SETD3: variants seen among roughly 807,000 people sequenced by gnomAD.
The protein encoded by SETD3 is SET domain containing 3, actin N3(tau)-histidine methyltransferase.
In SETD3, 19 loss-of-function variants were observed where a neutral mutation model predicts 63.0. The ratio of observed to expected loss-of-function variants is 0.30; its 90% CI spans 0.21 to 0.44. SETD3 has a LOEUF of 0.44. SETD3 is among the 20% of genes least tolerant of loss of function. SETD3 has a pLI of 1.00. For synonymous variants in SETD3, 286 were observed against 264.1 expected, an observed-to-expected ratio of 1.08 and a Z score of -0.80; for missense variants, 587 against 728.5, an observed-to-expected ratio of 0.81 and a Z score of 2.24.
At chr14:99,419,790 A>C (rs963343026) in intron 6 of SETD3, among the ~76,000 whole-genome samples, 1 of 151,676 alleles carries the variant, frequency 6.6e-6, no homozygotes, top group Non-Finnish European at 1.5e-5. Context: ...AAAAAACAAA[A>C]AAAAAAACCT....
intron 1 of SETD3, among the ~76,000 whole-genome samples, chr14:99,477,907 G>C (rs1404321042): frequency 1.3e-5 from 2 of 151,900 alleles, no homozygotes; most frequent in Admixed American, 1.3e-4. Flanking sequence ...TTTATGAATA[G>C]AAAAATGAGA....
At chr14:99,459,878 C>T (rs1025601776) in intron 4 of SETD3, among the ~76,000 whole-genome samples, 10 of 152,184 alleles carry the variant, frequency 6.6e-5, no homozygotes, top group African/African-American at 2.4e-4. Flanking sequence ...CTAAACAGAC[C>T]ATGCCAGCAC....
chr14:99,438,906 C>T (rs1893636374), intron 6 of SETD3, among the ~76,000 whole-genome samples: 1 of 152,186 alleles, frequency 6.6e-6, no homozygotes, highest in Non-Finnish European at 1.5e-5. Flanking sequence ...TAGGAAGGTG[C>T]TCACATCCAG....
chr14:99,473,676 G>A (rs1895822050), intron 1 of SETD3, among the ~76,000 whole-genome samples: 1 of 152,016 alleles, frequency 6.6e-6, no homozygotes, highest in African/African-American at 2.4e-5. Flanking sequence ...AGAGTGTGAG[G>A]GCCTAATCTT....
At chr14:99,423,508 C>T (rs1213961246) in intron 6 of SETD3, among the ~76,000 whole-genome samples, 1 of 136,846 alleles carries the variant, frequency 7.3e-6, no homozygotes, top group African/African-American at 2.7e-5. Context: ...ATATTATCTT[C>T]AGTTGATTTT....
chr14:99,440,504 T>C (rs1458033304), intron 6 of SETD3, among the ~76,000 whole-genome samples: 4 of 152,120 alleles, frequency 2.6e-5, no homozygotes, highest in South Asian at 4.1e-4. Context: ...CTCCGGTGTC[T>C]ACATCATGCG....
rs1555359636 is a variant in SETD3, at chr14:99,435,230, T to TTAAC, written c.676-21297_676-21296insGTTA. On this transcript the variant is annotated intron_variant, in intron 6 of 12. Coordinates refer to ENST00000331768, the MANE Select transcript of SETD3 (RefSeq NM_032233.3). ...AATGCTCAATGTTTGGAAGCTGTCA[T>TTAAC]TGTCTTTAAAGTATAGCTATATTTT... Among the ~76,000 whole-genome samples the TTAAC allele has an allele frequency of 5.9e-5, 9 of 151,722 alleles. No homozygotes were observed. The East Asian group carries it at 7.7e-4, about 13-fold the overall frequency.
chr14:99,445,728 T>C (rs1221934721), intron 6 of SETD3, among the ~76,000 whole-genome samples: 1 of 152,188 alleles, frequency 6.6e-6, no homozygotes, highest in East Asian at 1.9e-4. Context: ...AGGATACTTA[T>C]TCAGGGTCAC....
intron 5 of SETD3, 76 bp downstream of exon 5, chr14:99,459,037 C>T (rs1015349594): frequency 3.7e-6 from 4 of 1,085,048 alleles, no homozygotes; most frequent in Admixed American, 2.1e-5. Flanking sequence ...AAGTATTATC[C>T]TTAGTGCCAT....
At chr14:99,406,048 T>TC (rs1420670919) in intron 9 of SETD3, among the ~76,000 whole-genome samples, 1 of 152,056 alleles carries the variant, frequency 6.6e-6, no homozygotes, top group Non-Finnish European at 1.5e-5. Context: ...GGCTTACCCC[T>TC]CCTCCCACCC....
At chr14:99,410,149 G>GT in intron 8 of SETD3, 1 of 1,581,986 alleles carries the variant, frequency 6.3e-7, no homozygotes, top group Non-Finnish European at 8.7e-7. Context: ...AGTGAGTCCC[G>GT]TAAGTGCCTA....
intron 6 of SETD3, among the ~76,000 whole-genome samples, chr14:99,444,695 C>CA (rs1399841492): frequency 2.0e-5 from 3 of 151,932 alleles, no homozygotes; most frequent in Non-Finnish European, 2.9e-5. Context: ...CTCATCTCTA[C>CA]AAAAAAATAT....
At chr14:99,399,188 G>A in intron 12 of SETD3, 63 bp from the exon 13 acceptor site, 2 of 1,467,056 alleles carry the variant, frequency 1.4e-6, no homozygotes, top group Admixed American at 1.8e-5. Flanking sequence ...AGAGACAGAG[G>A]GCACAACGGC....
chr14:99,457,314 T>C (rs1220897832), intron 6 of SETD3, among the ~76,000 whole-genome samples: 1 of 152,252 alleles, frequency 6.6e-6, no homozygotes, highest in Non-Finnish European at 1.5e-5. Flanking sequence ...GTATAATTTT[T>C]GACATATTTG....
chr14:99,440,400 C>T (rs532947138), intron 6 of SETD3, among the ~76,000 whole-genome samples: 4 of 152,190 alleles, frequency 2.6e-5, no homozygotes, highest in Admixed American at 6.5e-5. Flanking sequence ...CTCGAACTGT[C>T]GATAATCGCA....
chr14:99,480,478 G>A (rs867758292), intron 1 of SETD3, among the ~76,000 whole-genome samples: 3 of 151,216 alleles, frequency 2.0e-5, no homozygotes, highest in Non-Finnish European at 3.0e-5. Context: ...TCGCCCCGCA[G>A]GGCGCCCGGG....
At chr14:99,453,270 G>A (rs1473484799) in intron 6 of SETD3, among the ~76,000 whole-genome samples, 1 of 152,222 alleles carries the variant, frequency 6.6e-6, no homozygotes, top group East Asian at 1.9e-4. Flanking sequence ...GCAATGCAAT[G>A]TTTACATTTG....
At chr14:99,405,072 G>A in intron 10 of SETD3, 133 bp downstream of exon 10, 1 of 1,262,536 alleles carries the variant, frequency 7.9e-7, no homozygotes, top group Non-Finnish European at 1.1e-6. Flanking sequence ...GCTTAAATTT[G>A]CTGTGCCACG....
upstream of SETD3, among the ~76,000 whole-genome samples, chr14:99,485,386 C>T (rs1053954507): frequency 6.6e-6 from 1 of 152,160 alleles, no homozygotes; most frequent in Non-Finnish European, 1.5e-5. Context: ...TATGGAGGTA[C>T]TCTTGAGATT....
Sources: gnomAD v4.1 joint callset for allele counts (sites outside exome capture counted in the v4.1 genomes callset) on GRCh38, gnomAD v4.1.1 for gene constraint, MANE v1.5 for transcripts, NCBI Gene and HGNC (gene_info 2026-07-23, HGNC 2026-07-21) for gene names.